Variants in WASHC4 observed in about 807,000 individuals in gnomAD.
WASHC4 encodes the protein WASH complex subunit 4.
WASHC4 carries 86 observed loss-of-function variants against 166.6 expected under a neutral mutation model. That is an observed-to-expected ratio of 0.52 (90% CI 0.43 to 0.62). WASHC4 has a LOEUF of 0.62. WASHC4 is among the 20% of genes least tolerant of loss of function. The pLI is 0.00. For missense variants in WASHC4, 1,262 were observed against 1,382.4 expected, an observed-to-expected ratio of 0.91 and a Z score of 1.38; for synonymous variants, 446 against 451.6, an observed-to-expected ratio of 0.99 and a Z score of 0.16.
At chr12:105,134,738 G>A (rs74998983) in intron 14 of WASHC4, among the ~76,000 whole-genome samples, 3 of 151,454 alleles carry the variant, frequency 2.0e-5, no homozygotes, top group Non-Finnish European at 4.4e-5. Context: ...TGTGTCTTCC[G>A]TAAGTAACGT....
intron 29 of WASHC4, among the ~76,000 whole-genome samples, chr12:105,161,587 T>C (rs1884499494): frequency 6.6e-6 from 1 of 152,196 alleles, no homozygotes; most frequent in Non-Finnish European, 1.5e-5. Flanking sequence ...CAAAGTGGAT[T>C]AAAAGCACTA....
chr12:105,115,315 A>G (rs1442168384), intron 5 of WASHC4, 86 bp downstream of exon 5: 1 of 841,010 alleles, frequency 1.2e-6, no homozygotes, highest in Non-Finnish European at 2.0e-6. Context: ...TACTATGATT[A>G]TATAATAGTG....
chr12:105,128,180 A>G (rs1881460257), intron 13 of WASHC4, among the ~76,000 whole-genome samples: 1 of 152,206 alleles, frequency 6.6e-6, no homozygotes, highest in African/African-American at 2.4e-5. Flanking sequence ...GGGAAGGAAG[A>G]TCATGTCATT....
chr12:105,114,739 G>A (rs532661423), intron 4 of WASHC4, among the ~76,000 whole-genome samples: 1 of 152,148 alleles, frequency 6.6e-6, no homozygotes, highest in East Asian at 1.9e-4. Context: ...CAAACCTCCA[G>A]AGTTTGTGTT....
intron 28 of WASHC4, among the ~76,000 whole-genome samples, chr12:105,157,919 AT>A: frequency 6.6e-6 from 1 of 152,186 alleles, no homozygotes; most frequent in South Asian, 2.1e-4. Flanking sequence ...CACGAGAGGC[AT>A]GCAGAATTGG....
intron 22 of WASHC4, 22 bp from the exon 23 acceptor site, chr12:105,146,430 T>G (rs764085939): frequency 7.4e-7 from 1 of 1,344,814 alleles, no homozygotes; most frequent in Non-Finnish European, 1.1e-6. Context: ...ATAATAAAAC[T>G]TGTATGTGTA....
intron 7 of WASHC4, among the ~76,000 whole-genome samples, chr12:105,119,437 C>G (rs1053277077): frequency 6.6e-6 from 1 of 152,144 alleles, no homozygotes; most frequent in Admixed American, 6.5e-5. Flanking sequence ...GAAGAGATAA[C>G]AAGAGCAATT....
At chr12:105,119,349 C>G (rs117660479) in intron 7 of WASHC4, among the ~76,000 whole-genome samples, 2 of 152,140 alleles carry the variant, frequency 1.3e-5, no homozygotes, top group Non-Finnish European at 2.9e-5. Flanking sequence ...TCCACACTTA[C>G]AATCTAATTA....
chr12:105,123,207 G>A (rs1337538343), intron 10 of WASHC4, among the ~76,000 whole-genome samples: 5 of 152,098 alleles, frequency 3.3e-5, no homozygotes, highest in Non-Finnish European at 5.9e-5. Flanking sequence ...CCAGCTACTC[G>A]GGAAGCTGAG....
intron 10 of WASHC4, among the ~76,000 whole-genome samples, chr12:105,124,493 GTT>G (rs1400784952): frequency 6.7e-6 from 1 of 148,740 alleles, no homozygotes; most frequent in Admixed American, 6.7e-5. Flanking sequence ...TTTTGTTTTT[GTT>G]TTTGAGATGG....
rs1592890688 is a variant in WASHC4 at position 105,141,189 on chromosome 12, T to A, written c.1730T>A (p.Leu577His). 1.9e-6 allele frequency: 3 copies of A among 1,613,428 alleles called. No homozygotes were observed. The highest frequency in any genetic ancestry group is 2.5e-6 in the Non-Finnish European group (3 of 1,179,452). Residue 577 changes from leucine to histidine, a missense_variant, in exon 18 of 33, where the codon CTC becomes CAC. Leu to His is a moderately conservative substitution (Grantham distance 99). Coordinates refer to ENST00000332180, the MANE Select transcript of WASHC4 (RefSeq NM_015275.3). ...TQMKTFKDEE[L>H]FPLQVVMKKL... Reference sequence around the variant, plus strand: ...TAGAAAACATTTAAAGATGAAGAACTCTTTCCACTTCAAGTAGTCATGAAA... The same window carrying A: ...TAGAAAACATTTAAAGATGAAGAACACTTTCCACTTCAAGTAGTCATGAAA...
rs1478182150 is a variant in WASHC4, at chr12:105,164,629, A to G, written c.3355-12A>G. 1.9e-6 allele frequency: 3 copies of G among 1,594,430 alleles called. No homozygotes were observed. The highest frequency in any genetic ancestry group is 2.6e-6 in the Non-Finnish European group (3 of 1,163,808). Reference sequence around the variant, plus strand: ...TTTTTGGTTTTTATTTCAAATTTTTAAATTTACTTAGGAATTTGAATTGCT... The same window carrying G: ...TTTTTGGTTTTTATTTCAAATTTTTGAATTTACTTAGGAATTTGAATTGCT... On this transcript the variant is annotated splice_polypyrimidine_tract_variant and intron_variant, in intron 31 of 32. Coordinates refer to ENST00000332180, the MANE Select transcript of WASHC4 (RefSeq NM_015275.3).
chr12:105,133,171 C>T (rs974705686), intron 13 of WASHC4, among the ~76,000 whole-genome samples: 15 of 152,234 alleles, frequency 9.9e-5, no homozygotes, highest in East Asian at 9.7e-4. Flanking sequence ...CTCTGTATCT[C>T]GCTCATCTAA....
intron 2 of WASHC4, 118 bp from the exon 3 acceptor site, chr12:105,114,098 T>A: frequency 1.2e-6 from 1 of 816,240 alleles, no homozygotes; most frequent in Non-Finnish European, 2.0e-6. Flanking sequence ...ATGGTGCTAA[T>A]GTTGAGTACA....
Position 105,142,350 on chromosome 12 carries a change from C to T in WASHC4, c.1788-103C>T, listed in dbSNP as rs1882942221. On this transcript the variant is annotated intron_variant, in intron 18 of 32. Transcript: ENST00000332180. ...GGTTAAGTGATGTAGGGAATGCGAA[C>T]TGTGTAAGATGGAACTCTTCCTTCT... 4 of 736,272 alleles carry T rather than the reference C, an allele frequency of 5.4e-6. No individual in the cohort carries two copies. In the Admixed American group the frequency reaches 7.7e-5, roughly 14 times the overall value. 45.6% of individuals were successfully genotyped at this position (736,272 alleles called of 1,614,324 possible).
At chr12:105,154,111 A>G (rs1213310887) in intron 26 of WASHC4, among the ~76,000 whole-genome samples, 1 of 151,666 alleles carries the variant, frequency 6.6e-6, no homozygotes, top group Admixed American at 6.6e-5. Flanking sequence ...GCTCACTGCA[A>G]CCTGTGCCTC....
At chr12:105,128,773 G>GTT (rs56089634) in intron 13 of WASHC4, among the ~76,000 whole-genome samples, 1 of 147,872 alleles carries the variant, frequency 6.8e-6, no homozygotes, top group African/African-American at 2.5e-5. Context: ...ATTCCGTTTT[G>GTT]TTTTTTTTTT....
rs372211839 is a variant in WASHC4 at position 105,111,251 on chromosome 12, C to T, written c.188C>T (p.Pro63Leu). Reference sequence around the variant, plus strand: ...GATGTTTGGGATTTCAATCTTGATCCTATAGCATTAAAGGTTTGATTTGAT... The same window carrying T: ...GATGTTTGGGATTTCAATCTTGATCTTATAGCATTAAAGGTTTGATTTGAT... ...IGDVWDFNLD[P>L]IALKLLPYEQ... The change falls in exon 2 of 33, where the codon CCT (proline) becomes CTT (leucine). Residue 63 changes from proline to leucine, a missense_variant. Coordinates refer to ENST00000332180, the MANE Select transcript of WASHC4 (RefSeq NM_015275.3). 2 of 1,606,626 alleles carry T rather than the reference C, an allele frequency of 1.2e-6. No homozygotes were observed. The highest frequency in any genetic ancestry group is 1.7e-6 in the Non-Finnish European group (2 of 1,174,348).
At chr12:105,110,044 C>G (rs1565988577) in intron 1 of WASHC4, among the ~76,000 whole-genome samples, 1 of 152,188 alleles carries the variant, frequency 6.6e-6, no homozygotes, top group Non-Finnish European at 1.5e-5. Flanking sequence ...GAACACCTCC[C>G]TGTGCTTGGC....
Sources: gnomAD v4.1 joint callset for allele counts (sites outside exome capture counted in the v4.1 genomes callset) on GRCh38, gnomAD v4.1.1 for gene constraint, MANE v1.5 for transcripts, NCBI Gene and HGNC (gene_info 2026-07-23, HGNC 2026-07-21) for gene names.